MEGF10: variants seen among roughly 807,000 people sequenced by gnomAD.
MEGF10 encodes multiple EGF like domains 10, also known as multiple epidermal growth factor-like domains protein 10.
MEGF10 carries 86 observed loss-of-function variants against 147.5 expected under a neutral mutation model. The ratio of observed to expected loss-of-function variants is 0.58; its 90% confidence interval spans 0.49 to 0.70. MEGF10 has a LOEUF of 0.70. MEGF10 is among the 30% of genes least tolerant of loss of function. The pLI, the probability that MEGF10 is intolerant of heterozygous loss-of-function variation, is 0.00. For synonymous variants in MEGF10, 478 were observed against 525.5 expected (o/e 0.91, Z 1.24); for missense variants, 1,329 against 1,487.3 (o/e 0.89, Z 1.75).
At chr5:127,369,487 A>T (rs1039282755) in intron 4 of MEGF10, among the ~76,000 whole-genome samples, 2 of 152,202 alleles carry the variant, frequency 1.3e-5, no homozygotes, top group Non-Finnish European at 2.9e-5. Flanking sequence ...ATGTAAAAAA[A>T]ATCATAATAC....
the MEGF10 span, among the ~76,000 whole-genome samples, chr5:127,232,924 A>T: frequency 2.6e-5 from 4 of 151,970 alleles, no homozygotes; most frequent in Admixed American, 6.6e-5. Context: ...ACCCCAGTAG[A>T]TGTGAGGAGA....
chr5:127,454,093 A>G (rs1429300979), intron 22 of MEGF10, among the ~76,000 whole-genome samples: 4 of 152,238 alleles, frequency 2.6e-5, no homozygotes, highest in African/African-American at 9.7e-5. Flanking sequence ...TATCACCTGT[A>G]AAGTATTAGT....
At position 127,459,875 on chromosome 5, in the gene MEGF10, T is replaced by A. The variant is rs1252649374; in HGVS notation, c.*2557T>A. 2.6e-5 allele frequency: 4 copies of A among 152,214 alleles called. No individual in the cohort carries two copies. The highest frequency in any genetic ancestry group is 5.9e-5 in the Non-Finnish European group (4 of 68,042). The allele number at this position is 152,214 out of a possible 1,614,324, so 9.4% of individuals were successfully genotyped here. ...AGAGGTCTTGTTGAGAAGGCAAAAT[T>A]TTCTAAATATTTTGATATCAATTTG... On this transcript the variant is annotated 3_prime_UTR_variant, in exon 25 of 25. Coordinates refer to ENST00000503335, the MANE Select transcript of MEGF10 (RefSeq NM_001256545.2).
chr5:127,327,479 T>A (rs1761083381), intron 1 of MEGF10, among the ~76,000 whole-genome samples: 1 of 152,062 alleles, frequency 6.6e-6, no homozygotes, highest in African/African-American at 2.4e-5. Context: ...TTTTAAAAAA[T>A]TGCATTTTGT....
chr5:127,291,209 G>T (rs772143228), intron 1 of MEGF10, among the ~76,000 whole-genome samples, 153 bp downstream of exon 1: 1 of 152,156 alleles, frequency 6.6e-6, no homozygotes, highest in Non-Finnish European at 1.5e-5. Context: ...TTGTTCATGC[G>T]CTTCTTAAGG....
chr5:127,435,847 AAATGG>A (rs1028219947), intron 16 of MEGF10, among the ~76,000 whole-genome samples: 1 of 152,158 alleles, frequency 6.6e-6, no homozygotes, highest in African/African-American at 2.4e-5. Context: ...GAGAAAGAAA[AAATGG>A]AATTAAATGA....
intron 5 of MEGF10, among the ~76,000 whole-genome samples, chr5:127,382,107 T>C (rs758598228): frequency 1.2e-4 from 18 of 152,256 alleles, no homozygotes; most frequent in Non-Finnish European, 2.5e-4. Context: ...AGCTAATGAC[T>C]CTTTTTCCTT....
chr5:127,448,425 C>G (rs1456523032), intron 21 of MEGF10, among the ~76,000 whole-genome samples: 1 of 152,176 alleles, frequency 6.6e-6, no homozygotes, highest in Non-Finnish European at 1.5e-5. Context: ...CAACTCACCC[C>G]AGGTCTTCCC....
chr5:127,325,913 T>A lies in MEGF10; in HGVS notation c.-18-5378T>A, dbSNP rs1240790806. Among the ~76,000 whole-genome samples the A allele has an allele frequency of 8.9e-5, 13 of 145,378 alleles. No homozygotes were observed. In the South Asian group the frequency reaches 1.1e-3, roughly 12 times the overall value. On this transcript the variant is annotated intron_variant, in intron 1 of 24. Transcript: ENST00000503335. ...TATATATATATATATATATATATTT[T>A]TTTTTTTTTAAGACAGGGACTTGCT...
At chr5:127,448,079 G>A (rs1766016560) in intron 21 of MEGF10, among the ~76,000 whole-genome samples, 1 of 152,020 alleles carries the variant, frequency 6.6e-6, no homozygotes, top group Non-Finnish European at 1.5e-5. Flanking sequence ...AATCAGCCGT[G>A]GGCAAAATCT....
At chr5:127,375,268 C>A (rs1420238622) in intron 5 of MEGF10, among the ~76,000 whole-genome samples, 1 of 152,022 alleles carries the variant, frequency 6.6e-6, no homozygotes, top group Non-Finnish European at 1.5e-5. Context: ...AAGGGACTGA[C>A]AAATACTTTC....
At chr5:127,311,709 A>G (rs1005476599) in intron 1 of MEGF10, among the ~76,000 whole-genome samples, 1 of 152,228 alleles carries the variant, frequency 6.6e-6, no homozygotes, top group Non-Finnish European at 1.5e-5. Flanking sequence ...ACTCTTTTCA[A>G]ATGAACTGTA....
rs1157414572 is a variant in MEGF10, at chr5:127,310,674, T to A, written c.-19+19618T>A. The stretch of plus-strand genomic sequence containing the variant: ...CACCATGCTCTATCATTCTCTTCTC[T>A]TCTTCTCAGGGAGATCACAAAGGCT... On this transcript the variant is annotated intron_variant, in intron 1 of 24. Coordinates refer to ENST00000503335, the MANE Select transcript of MEGF10 (RefSeq NM_001256545.2). Among the ~76,000 whole-genome samples, 3 of 152,182 alleles carry A rather than the reference T, an allele frequency of 2.0e-5. No homozygotes were observed. In the East Asian group the frequency reaches 5.8e-4, roughly 29 times the overall value.
chr5:127,362,673 C>T (rs1450431342), intron 4 of MEGF10, among the ~76,000 whole-genome samples: 2 of 151,998 alleles, frequency 1.3e-5, no homozygotes, highest in Non-Finnish European at 2.9e-5. Flanking sequence ...CAAATATTTG[C>T]GTTTTTATCA....
the MEGF10 span, among the ~76,000 whole-genome samples, chr5:127,230,111 G>A: frequency 0.049 from 7,475 of 152,106 alleles, 611 homozygotes; most frequent in African/African-American, 0.17. Context: ...GTTTGTCCAT[G>A]TCGTTCCCCA....
intron 5 of MEGF10, among the ~76,000 whole-genome samples, chr5:127,374,634 T>C (rs962837213): frequency 2.0e-5 from 3 of 152,214 alleles, no homozygotes; most frequent in African/African-American, 7.2e-5. Context: ...CATTGCTGGT[T>C]ATATTAAATT....
chr5:127,385,605 T>C (rs1041546669), intron 5 of MEGF10, among the ~76,000 whole-genome samples: 1 of 152,236 alleles, frequency 6.6e-6, no homozygotes, highest in Non-Finnish European at 1.5e-5. Context: ...TATGTAGTGT[T>C]AGTTATTGCA....
At chr5:127,452,885 C>T (rs941298077) in intron 22 of MEGF10, among the ~76,000 whole-genome samples, 2 of 152,180 alleles carry the variant, frequency 1.3e-5, no homozygotes, top group Non-Finnish European at 2.9e-5. Flanking sequence ...GCCCTTCCCC[C>T]CAGCTATGGG....
chr5:127,267,077 T>C, the MEGF10 span, among the ~76,000 whole-genome samples: 1,295 of 152,332 alleles, frequency 8.5e-3, 19 homozygotes, highest in African/African-American at 0.03. Flanking sequence ...ATAGCTCTTA[T>C]TATTTTGAGA....
Sources: gnomAD v4.1 joint callset for allele counts (sites outside exome capture counted in the v4.1 genomes callset) on GRCh38, gnomAD v4.1.1 for gene constraint, MANE v1.5 for transcripts, NCBI Gene and HGNC (gene_info 2026-07-23, HGNC 2026-07-21) for gene names.